DOCK4: variants seen among roughly 807,000 people sequenced by gnomAD.
DOCK4 encodes the protein dedicator of cytokinesis 4, also known as dedicator of cytokinesis protein 4.
In DOCK4, 97 loss-of-function variants were observed where a neutral mutation model predicts 268.1. That is an observed-to-expected ratio of 0.36 (90% CI 0.31 to 0.43). The LOEUF (loss-of-function observed/expected upper bound fraction) is 0.43, where lower values mean the gene tolerates loss of function less well. Among genes scored for constraint, DOCK4 ranks in the 20% least tolerant of loss-of-function variants. The probability of loss-of-function intolerance (pLI) is 1.00; values close to 1 mark genes in which losing one functional copy is unlikely to be tolerated. For missense variants in DOCK4, 2,145 were observed against 2,455.7 expected (o/e 0.87, Z 2.67); for synonymous variants, 954 against 887.2 (o/e 1.08, Z -1.34).
At chr7:111,881,630 T>C (rs1292772672) in intron 16 of DOCK4, among the ~76,000 whole-genome samples, 2 of 152,222 alleles carry the variant, frequency 1.3e-5, no homozygotes, top group Non-Finnish European at 2.9e-5. Flanking sequence ...ACTTCCATGT[T>C]TGTTGTGTAG....
intron 39 of DOCK4, among the ~76,000 whole-genome samples, 172 bp from the exon 40 acceptor site, chr7:111,760,494 A>G (rs917910598): frequency 7.2e-5 from 11 of 152,198 alleles, no homozygotes; most frequent in African/African-American, 2.4e-5. Flanking sequence ...AAATGCAGAT[A>G]AAGATCATGA....
At chr7:112,070,442 CACTT>C (rs1210147619) in intron 1 of DOCK4, among the ~76,000 whole-genome samples, 2 of 152,082 alleles carry the variant, frequency 1.3e-5, no homozygotes, top group African/African-American at 4.8e-5. Flanking sequence ...CCAAAAATCA[CACTT>C]ACTTTTGCAC....
At chr7:112,127,308 G>T (rs994756023) in intron 1 of DOCK4, among the ~76,000 whole-genome samples, 5 of 150,282 alleles carry the variant, frequency 3.3e-5, no homozygotes, top group Non-Finnish European at 7.4e-5. Flanking sequence ...ACTATCGCAA[G>T]GACAAAAAAC....
At chr7:112,174,279 C>T (rs2116632512) in intron 1 of DOCK4, among the ~76,000 whole-genome samples, 1 of 152,274 alleles carries the variant, frequency 6.6e-6, no homozygotes, top group South Asian at 2.1e-4. Context: ...AAAAAACTGC[C>T]ACAATCCTCA....
rs1248948178 is a variant in DOCK4, at chr7:112,004,110, G to T, written c.59C>A (p.Thr20Asn). 1.3e-6 allele frequency: 2 copies of T among 1,596,562 alleles called. No homozygotes were observed. Among genetic ancestry groups the T allele is most frequent in the Non-Finnish European group, 1.7e-6 (2 of 1,171,022 alleles). The change falls in exon 2 of 53, where the codon ACC becomes AAC. Residue 20 changes from threonine (T) to asparagine (N), a missense_variant. By Grantham distance (65) the Thr-to-Asn change is moderately conservative (BLOSUM62 0). Coordinates refer to ENST00000428084, the MANE Select transcript of DOCK4 (RefSeq NM_001363540.2). ...YGVVIASFRG[T>N]VPYGLSLEIG... ...TTCCAATGACAGGCCATATGGAACG[G>T]TTCCTCGGAAACTGGCAATAACTGT...
At chr7:112,172,433 T>C (rs1430719752) in intron 1 of DOCK4, among the ~76,000 whole-genome samples, 1 of 152,190 alleles carries the variant, frequency 6.6e-6, no homozygotes, top group Non-Finnish European at 1.5e-5. Context: ...TCTCTACTTC[T>C]AGTGGGAAGT....
intron 25 of DOCK4, among the ~76,000 whole-genome samples, chr7:111,843,737 A>C (rs1402900347): frequency 6.6e-6 from 1 of 152,150 alleles, no homozygotes; most frequent in Non-Finnish European, 1.5e-5. Flanking sequence ...TATTTTCTTA[A>C]TGTTTTACAT....
intron 36 of DOCK4, among the ~76,000 whole-genome samples, 198 bp from the exon 37 acceptor site, chr7:111,769,875 A>G (rs1197674461): frequency 1.3e-5 from 2 of 152,224 alleles, no homozygotes. Flanking sequence ...TGGACTAATC[A>G]GATCTGTATT....
chr7:112,189,677 C>T (rs936284915), intron 1 of DOCK4, among the ~76,000 whole-genome samples: 5 of 150,884 alleles, frequency 3.3e-5, no homozygotes, highest in African/African-American at 9.7e-5. Flanking sequence ...TGAAATTCAG[C>T]GGTTGGTGGT....
At position 111,786,327 on chromosome 7, in the gene DOCK4, G is replaced by C. The variant is rs567798204; in HGVS notation, c.3402-2204C>G. 2.0e-5 allele frequency among the ~76,000 whole-genome samples: 3 copies of C among 152,288 alleles called. No homozygotes were observed. In the East Asian group the frequency reaches 5.8e-4, roughly 29 times the overall value. On this transcript the variant is annotated intron_variant, in intron 32 of 52. Coordinates refer to ENST00000428084, the MANE Select transcript of DOCK4 (RefSeq NM_001363540.2). ...CAGCACAGTCACTGCTGGATCCCCA[G>C]CCCTGGGGAGTGCCCAATAGATAAA... is the stretch of plus-strand genomic sequence containing the variant.
chr7:111,945,337 C>T (rs767371371), intron 9 of DOCK4, among the ~76,000 whole-genome samples: 1 of 152,164 alleles, frequency 6.6e-6, no homozygotes, highest in Non-Finnish European at 1.5e-5. Flanking sequence ...AGGTGCCTGC[C>T]ACCACGCCTG....
At chr7:112,008,069 A>G (rs1801000351) in intron 1 of DOCK4, among the ~76,000 whole-genome samples, 3 of 152,180 alleles carry the variant, frequency 2.0e-5, no homozygotes, top group Admixed American at 6.5e-5. Flanking sequence ...TTTCTTATAA[A>G]TTGAACAGTT....
chr7:112,010,044 T>C (rs1319387044), intron 1 of DOCK4, among the ~76,000 whole-genome samples: 1 of 152,204 alleles, frequency 6.6e-6, no homozygotes, highest in Non-Finnish European at 1.5e-5. Context: ...CTCAAACTCC[T>C]GAGCTCAAGC....
chr7:112,083,992 CACTCTTGT>C (rs756450949), intron 1 of DOCK4, among the ~76,000 whole-genome samples: 21 of 152,328 alleles, frequency 1.4e-4, no homozygotes, highest in Non-Finnish European at 2.5e-4. Context: ...GTTGGGCTAA[CACTCTTGT>C]ACTCCTACCA....
At chr7:112,134,695 G>A (rs1005681714) in intron 1 of DOCK4, among the ~76,000 whole-genome samples, 7 of 152,266 alleles carry the variant, frequency 4.6e-5, no homozygotes, top group South Asian at 2.1e-4. Context: ...CAGCCTGGGC[G>A]ACAGAGCGAG....
At position 111,728,464 on chromosome 7, in the gene DOCK4, C is replaced by A. The variant is rs549577916; in HGVS notation, c.5738G>T (p.Ser1913Ile). ...RKESKTPPPY[S>I]VYERTLRRPV... is the part of the protein sequence containing the mutation. ...GCGCCGCAGAGTCCGCTCGTAGACG[C>A]TGTACGGGGGCGGAGTCTTGCTCTC... Residue 1913 changes from serine to isoleucine, a missense_variant, in exon 53 of 53, where the codon AGC becomes ATC. Around this residue, in one of 2 missense-constraint regions of DOCK4, gnomAD observed 547 missense variants for 469.0 expected, o/e 1.17. Coordinates refer to ENST00000428084, the MANE Select transcript of DOCK4 (RefSeq NM_001363540.2). 3.5e-5 allele frequency: 56 copies of A among 1,610,400 alleles called. No homozygotes were observed. The highest frequency in any genetic ancestry group is 4.8e-5 in the Non-Finnish European group (56 of 1,178,396).
intron 1 of DOCK4, among the ~76,000 whole-genome samples, chr7:112,146,213 A>G (rs945283825): frequency 6.6e-6 from 1 of 152,188 alleles, no homozygotes; most frequent in African/African-American, 2.4e-5. Flanking sequence ...GACTTCATCG[A>G]ATCAGCCTTT....
chr7:111,763,760 C>T (rs1397302022), intron 39 of DOCK4, among the ~76,000 whole-genome samples: 1 of 152,150 alleles, frequency 6.6e-6, no homozygotes, highest in Non-Finnish European at 1.5e-5. Flanking sequence ...AACCTGGATC[C>T]AGGCCATCTG....
At chr7:112,077,523 T>C (rs1039661610) in intron 1 of DOCK4, among the ~76,000 whole-genome samples, 1 of 152,176 alleles carries the variant, frequency 6.6e-6, no homozygotes, top group Admixed American at 6.5e-5. Context: ...TTAAGAGTGA[T>C]GGAATACGTA....
Sources: gnomAD v4.1 joint callset for allele counts (sites outside exome capture counted in the v4.1 genomes callset) on GRCh38, gnomAD v4.1.1 for gene constraint, gnomAD v4.1.1 regional missense constraint, MANE v1.5 for transcripts, NCBI Gene and HGNC (gene_info 2026-07-23, HGNC 2026-07-21) for gene names.